KCNT2: variants seen among roughly 807,000 people sequenced by gnomAD.
KCNT2 encodes the protein potassium channel subfamily T member 2.
Under a neutral mutation model 153.8 loss-of-function variants are expected in KCNT2, and 67 were observed. That is an observed-to-expected ratio of 0.44 (90% CI 0.36 to 0.53). The LOEUF is 0.53. KCNT2 is among the 20% of genes least tolerant of loss of function. The pLI, the probability that KCNT2 is intolerant of heterozygous loss-of-function variation, is 0.00. For missense variants in KCNT2, 975 were observed against 1,354.8 expected, an observed-to-expected ratio of 0.72 and a Z score of 4.40; for synonymous variants, 500 against 458.8, an observed-to-expected ratio of 1.09 and a Z score of -1.15.
intron 19 of KCNT2, among the ~76,000 whole-genome samples, chr1:196,323,400 T>C (rs765382068): frequency 2.6e-5 from 4 of 151,916 alleles, no homozygotes; most frequent in Non-Finnish European, 5.9e-5. Context: ...GAGATGATGT[T>C]AAAAATGACT....
intron 1 of KCNT2, among the ~76,000 whole-genome samples, chr1:196,523,018 T>C (rs1653670309): frequency 6.6e-6 from 1 of 152,232 alleles, no homozygotes; most frequent in South Asian, 2.1e-4. Flanking sequence ...GTTCTTTTGC[T>C]CTTCACAATA....
chr1:196,437,332 AT>A (rs1674805423), intron 8 of KCNT2, among the ~76,000 whole-genome samples: 1 of 135,916 alleles, frequency 7.4e-6, no homozygotes, highest in Non-Finnish European at 1.6e-5. Context: ...ACATAAACAT[AT>A]TTTTATTTAT....
chr1:196,508,631 G>T (rs986974160), intron 1 of KCNT2, among the ~76,000 whole-genome samples: 1 of 152,086 alleles, frequency 6.6e-6, no homozygotes, highest in African/African-American at 2.4e-5. Context: ...TAACCAAAAG[G>T]TGCCAACTAG....
intron 14 of KCNT2, among the ~76,000 whole-genome samples, chr1:196,365,796 G>A (rs1200150792): frequency 2.0e-5 from 3 of 152,126 alleles, no homozygotes; most frequent in East Asian, 3.9e-4. Context: ...GTCTTCTCCT[G>A]TCTCTCTCAA....
intron 14 of KCNT2, among the ~76,000 whole-genome samples, chr1:196,343,922 G>T (rs1665905820): frequency 6.6e-6 from 1 of 152,124 alleles, no homozygotes; most frequent in Non-Finnish European, 1.5e-5. Flanking sequence ...TGGGATTACA[G>T]GCACCTGCCA....
At chr1:196,369,800 CTT>C (rs912273113) in intron 14 of KCNT2, among the ~76,000 whole-genome samples, 17 of 152,148 alleles carry the variant, frequency 1.1e-4, no homozygotes, top group Non-Finnish European at 1.6e-4. Context: ...GTGCATGTGT[CTT>C]TATAGCAGCA....
At chr1:196,326,604 T>C in intron 19 of KCNT2, 113 bp downstream of exon 19, 1 of 550,546 alleles carries the variant, frequency 1.8e-6, no homozygotes, top group Non-Finnish European at 3.1e-6. Flanking sequence ...TCATGTACCA[T>C]AATGTATCTG....
chr1:196,292,270 C>G (rs1019404458), intron 22 of KCNT2, among the ~76,000 whole-genome samples: 2 of 152,112 alleles, frequency 1.3e-5, no homozygotes, highest in African/African-American at 4.8e-5. Context: ...AATTCAACAT[C>G]CTTTTATGAT....
intron 25 of KCNT2, among the ~76,000 whole-genome samples, chr1:196,274,827 A>G (rs1372750297): frequency 2.0e-5 from 3 of 151,830 alleles, no homozygotes; most frequent in Non-Finnish European, 4.4e-5. Flanking sequence ...GTATACTTCA[A>G]ACAAATGAGA....
intron 1 of KCNT2, among the ~76,000 whole-genome samples, chr1:196,546,872 C>G (rs1199845361): frequency 6.6e-6 from 1 of 151,932 alleles, no homozygotes; most frequent in East Asian, 1.9e-4. Flanking sequence ...GATTGCAAAA[C>G]TAACACATAT....
At chr1:196,243,893 C>T (rs1460506460) in intron 26 of KCNT2, among the ~76,000 whole-genome samples, 1 of 151,982 alleles carries the variant, frequency 6.6e-6, no homozygotes. Flanking sequence ...TGCCACCCCT[C>T]CCCCAAACCC....
chr1:196,258,093 G>A, intron 26 of KCNT2, 101 bp downstream of exon 26: 1 of 1,475,222 alleles, frequency 6.8e-7, no homozygotes, highest in South Asian at 1.4e-5. Flanking sequence ...ATTGACCTGT[G>A]AAGCAAAAAT....
intron 14 of KCNT2, among the ~76,000 whole-genome samples, chr1:196,358,649 A>G (rs1286951863): frequency 1.3e-5 from 2 of 151,952 alleles, no homozygotes; most frequent in African/African-American, 4.8e-5. Flanking sequence ...TTGAAAATAT[A>G]TATTTGACTC....
rs1223326539 is a variant in KCNT2, at chr1:196,226,871, A to T, written c.*1353T>A. 1 of 152,034 alleles carries T rather than the reference A, an allele frequency of 6.6e-6. No homozygotes were observed. Among genetic ancestry groups the T allele is most frequent in the African/African-American group, 2.4e-5 (1 of 41,450 alleles). 9.4% of individuals were successfully genotyped at this position (152,034 alleles called of 1,614,324 possible). A position where few individuals can be genotyped will look rare whatever the true frequency, so the allele number is the denominator to read the frequency against. ...AAATTAAAAAATACAAAATTAGAACAGTATGTATTTAAATTTACCAATGTT... is the reference window on the plus strand; with the variant it reads ...AAATTAAAAAATACAAAATTAGAACTGTATGTATTTAAATTTACCAATGTT... On this transcript the variant is annotated 3_prime_UTR_variant, in exon 28 of 28. Coordinates refer to ENST00000294725, the MANE Select transcript of KCNT2 (RefSeq NM_198503.5).
chr1:196,271,053 C>T (rs754471550), intron 25 of KCNT2, among the ~76,000 whole-genome samples: 16 of 151,932 alleles, frequency 1.1e-4, no homozygotes, highest in Non-Finnish European at 1.8e-4. Context: ...CACACAAACA[C>T]ACACGCACAC....
Position 196,522,500 on chromosome 1 carries a change from A to G in KCNT2, c.96-30159T>C, listed in dbSNP as rs142936887. Among the ~76,000 whole-genome samples, 726 of 152,312 alleles carry G rather than the reference A, an allele frequency of 4.8e-3. 12 individuals carry two copies. The highest frequency in any genetic ancestry group is 0.028 in the Admixed American group (432 of 15,282). On this transcript the variant is annotated intron_variant, in intron 1 of 27. Transcript: ENST00000294725. ...CTTAAAATAATTTTCAGATGCCTGA[A>G]CTGTTTTATTCATTGGGTTTAATAT...
At chr1:196,538,268 C>T (rs543965605) in intron 1 of KCNT2, among the ~76,000 whole-genome samples, 1 of 152,206 alleles carries the variant, frequency 6.6e-6, no homozygotes, top group East Asian at 1.9e-4. Flanking sequence ...TAGCTGCCAC[C>T]AGGCACCACT....
intron 13 of KCNT2, among the ~76,000 whole-genome samples, chr1:196,385,632 A>G (rs1290505766): frequency 6.6e-6 from 1 of 152,098 alleles, no homozygotes; most frequent in East Asian, 1.9e-4. Context: ...AACTCTGTGT[A>G]ATAAATAAAG....
intron 14 of KCNT2, 38 bp from the exon 15 acceptor site, chr1:196,342,266 A>G: frequency 6.4e-7 from 1 of 1,553,736 alleles, no homozygotes; most frequent in Admixed American, 1.8e-5. Context: ...ACACACAAAA[A>G]GAAAACACAG....
Sources: gnomAD v4.1 joint callset for allele counts (sites outside exome capture counted in the v4.1 genomes callset) on GRCh38, gnomAD v4.1.1 for gene constraint, MANE v1.5 for transcripts, NCBI Gene and HGNC (gene_info 2026-07-23, HGNC 2026-07-21) for gene names.